KCNJ10: variants seen among roughly 807,000 people sequenced by gnomAD.
KCNJ10 encodes potassium inwardly rectifying channel subfamily J member 10, also known as ATP-sensitive inward rectifier potassium channel 10.
Under a neutral mutation model 22.2 loss-of-function variants are expected in KCNJ10, and 9 were observed. That is an observed-to-expected ratio of 0.40 (90% CI 0.24 to 0.71). KCNJ10 has a LOEUF of 0.71. Among genes scored for constraint, KCNJ10 ranks in the 30% least tolerant of loss-of-function variants. The pLI, the probability that KCNJ10 is intolerant of heterozygous loss-of-function variation, is 0.35. For missense variants in KCNJ10, 337 were observed against 482.7 expected, an observed-to-expected ratio of 0.70 and a Z score of 2.83; for synonymous variants, 184 against 187.3, an observed-to-expected ratio of 0.98 and a Z score of 0.15.
chr1:160,048,636 T>C (rs1202680167), intron 1 of KCNJ10, among the ~76,000 whole-genome samples: 1 of 152,222 alleles, frequency 6.6e-6, no homozygotes, highest in Non-Finnish European at 1.5e-5. Context: ...ATGCATTCAC[T>C]TCCAATTGTA....
At chr1:160,058,801 AACCTCT>A (rs1649109069) in intron 1 of KCNJ10, among the ~76,000 whole-genome samples, 1 of 152,050 alleles carries the variant, frequency 6.6e-6, no homozygotes, top group African/African-American at 2.4e-5. Context: ...AGCCACACAA[AACCTCT>A]CGGTTCTTGA....
rs916210699 is a variant in KCNJ10, at chr1:160,040,382, G to T, written c.*1011C>A. ...TGAGCATCCGTGTTAAGAGAGGAAG[G>T]CCCTTGCATTTTCCCTCCCTTCTCC... On this transcript the variant is annotated 3_prime_UTR_variant, in exon 2 of 2. Transcript: ENST00000644903. 4 of 395,864 alleles carry T rather than the reference G, an allele frequency of 1.0e-5. No individual in the cohort carries two copies. In the East Asian group the frequency reaches 1.1e-4, roughly 11 times the overall value. The allele number at this position is 395,864 out of a possible 1,614,324, so 24.5% of individuals were successfully genotyped here.
intron 1 of KCNJ10, 81 bp from the exon 2 acceptor site, chr1:160,042,613 A>G: frequency 3.3e-6 from 4 of 1,194,986 alleles, no homozygotes; most frequent in South Asian, 1.2e-5. Flanking sequence ...GGAGGGAGGA[A>G]TTAACATTCA....
chr1:160,041,771 G>T lies in KCNJ10; in HGVS notation c.762C>A (p.Thr254=), dbSNP rs569080326. The T allele has an allele frequency of 2.5e-6, 4 of 1,614,208 alleles. No homozygotes were observed. The highest frequency in any genetic ancestry group is 2.5e-6 in the Non-Finnish European group (3 of 1,180,034). Residue 254 remains threonine, a synonymous_variant, in exon 2 of 2, where the codon ACC becomes ACA. Coordinates refer to ENST00000644903, the MANE Select transcript of KCNJ10 (RefSeq NM_002241.5). The surrounding 1 kb of genome is among the most constrained non-coding windows in gnomAD (Gnocchi z 4.4). ...TGGTCTCATCTACCACATGATAGAAGGTAAGGGGTAGAATAAGGAAGGGGC... is the reference window on the plus strand; with the variant it reads ...TGGTCTCATCTACCACATGATAGAATGTAAGGGGTAGAATAAGGAAGGGGC... ...SDSPFLILPL[T]FYHVVDETSP...
intron 1 of KCNJ10, among the ~76,000 whole-genome samples, chr1:160,067,029 C>T (rs1649335896): frequency 6.6e-6 from 1 of 152,350 alleles, no homozygotes; most frequent in South Asian, 2.1e-4. Flanking sequence ...TGCACAATGG[C>T]CATGTATACC....
rs1437557531 is a variant in KCNJ10, at chr1:160,038,453, G to GA, written c.*2939dup. The stretch of plus-strand genomic sequence containing the variant: ...CCTTCATGAATGCCTCTTTATTTCT[G>GA]AAAAGGAACTTCTACCCCTCCCTTT... On this transcript the variant is annotated 3_prime_UTR_variant, in exon 2 of 2. Coordinates refer to ENST00000644903, the MANE Select transcript of KCNJ10 (RefSeq NM_002241.5). The GA allele has an allele frequency of 6.6e-6, 1 of 151,950 alleles. No homozygotes were observed. Among genetic ancestry groups the GA allele is most frequent in the Non-Finnish European group, 1.5e-5 (1 of 67,982 alleles). The allele number at this position is 151,950 out of a possible 1,614,324, so 9.4% of individuals were successfully genotyped here. A position where few individuals can be genotyped will look rare whatever the true frequency, so the allele number is the denominator to read the frequency against.
At chr1:160,047,523 A>G (rs533322475) in intron 1 of KCNJ10, among the ~76,000 whole-genome samples, 111 of 151,780 alleles carry the variant, frequency 7.3e-4, no homozygotes, top group African/African-American at 2.6e-3. Context: ...TCACTACCCA[A>G]TCCTTTCTAC....
chr1:160,045,160 A>G (rs1269086413), intron 1 of KCNJ10, among the ~76,000 whole-genome samples: 1 of 152,252 alleles, frequency 6.6e-6, no homozygotes, highest in Non-Finnish European at 1.5e-5. Context: ...AGAAAAATGA[A>G]GAGAATGCTA....
At chr1:160,043,947 GC>G (rs1187253071) in intron 1 of KCNJ10, among the ~76,000 whole-genome samples, 1 of 152,228 alleles carries the variant, frequency 6.6e-6, no homozygotes, top group Non-Finnish European at 1.5e-5. Context: ...GGGGAGTTTA[GC>G]CCTTCTTGGA....
Position 160,042,479 on chromosome 1 carries a change from C to T in KCNJ10, c.54G>A (p.Arg18=), listed in dbSNP as rs775905879. The T allele has an allele frequency of 6.2e-6, 10 of 1,614,026 alleles. No homozygotes were observed. The Admixed American group carries it at 1.0e-4, about 16-fold the overall frequency. Residue 18 remains arginine (R), a synonymous_variant, in exon 2 of 2, where the codon CGG becomes CGA. Transcript: ENST00000644903. ...YYSQTTQTES[R]PLMGPGIRRR... is the part of the protein sequence containing the mutation. ...GTCGTATCCCTGGGCCCATTAGGGG[C>T]CGGCTTTCTGTCTGAGTGGTCTGAC...
At chr1:160,047,406 G>A (rs1332334336) in intron 1 of KCNJ10, among the ~76,000 whole-genome samples, 1 of 152,184 alleles carries the variant, frequency 6.6e-6, no homozygotes, top group African/African-American at 2.4e-5. Flanking sequence ...TGCTTTATCT[G>A]TTTTCTCTGT....
At chr1:160,067,891 G>A (rs1021609383) in intron 1 of KCNJ10, 1 of 152,062 alleles carries the variant, frequency 6.6e-6, no homozygotes, top group Non-Finnish European at 1.5e-5. Context: ...AATGACTCCA[G>A]AGGACTTCAT....
intron 1 of KCNJ10, among the ~76,000 whole-genome samples, chr1:160,055,021 G>A (rs1221016113): frequency 3.3e-5 from 5 of 152,086 alleles, no homozygotes; most frequent in Non-Finnish European, 5.9e-5. Flanking sequence ...AGTCCCCTGG[G>A]GCCACCCTTG....
chr1:160,061,692 G>T (rs559414570), intron 1 of KCNJ10, among the ~76,000 whole-genome samples: 1 of 148,656 alleles, frequency 6.7e-6, no homozygotes, highest in Admixed American at 6.7e-5. Flanking sequence ...GGCAGCAAGG[G>T]CATGGGGGGG....
chr1:160,043,195 C>A (rs1571266285), intron 1 of KCNJ10, among the ~76,000 whole-genome samples: 2 of 151,164 alleles, frequency 1.3e-5, no homozygotes, highest in South Asian at 4.2e-4. Context: ...GAAATAGGAT[C>A]CATCCCCACC....
intron 1 of KCNJ10, among the ~76,000 whole-genome samples, chr1:160,055,611 CA>C (rs1428115534): frequency 1.3e-5 from 2 of 152,172 alleles, no homozygotes; most frequent in Admixed American, 1.3e-4. Context: ...CATAATAATA[CA>C]GAGGTGACGG....
intron 1 of KCNJ10, among the ~76,000 whole-genome samples, chr1:160,044,048 T>C (rs1648681217): frequency 6.6e-6 from 1 of 152,176 alleles, no homozygotes; most frequent in African/African-American, 2.4e-5. Flanking sequence ...ATCTCTATTT[T>C]CCCCATGGCC....
At chr1:160,058,736 T>A (rs543382175) in intron 1 of KCNJ10, among the ~76,000 whole-genome samples, 2 of 152,288 alleles carry the variant, frequency 1.3e-5, no homozygotes, top group South Asian at 2.1e-4. Context: ...CTGACCTCCC[T>A]AGCATCAGTG....
chr1:160,046,018 T>C (rs1648734386), intron 1 of KCNJ10, among the ~76,000 whole-genome samples: 2 of 152,202 alleles, frequency 1.3e-5, no homozygotes, highest in Admixed American at 1.3e-4. Flanking sequence ...GGATGGGAGA[T>C]TGAAAGACTG....
Sources: gnomAD v4.1 joint callset for allele counts (sites outside exome capture counted in the v4.1 genomes callset) on GRCh38, gnomAD v4.1.1 for gene constraint, Gnocchi (gnomAD v3.1) non-coding constraint, MANE v1.5 for transcripts, NCBI Gene and HGNC (gene_info 2026-07-23, HGNC 2026-07-21) for gene names.